Variants in CTNND2 observed in about 807,000 individuals in gnomAD.
CTNND2 encodes catenin delta 2.
CTNND2 carries 22 observed loss-of-function variants against 144.4 expected under a neutral mutation model. The ratio of observed to expected loss-of-function variants is 0.15; its 90% CI spans 0.11 to 0.22. CTNND2 has a LOEUF of 0.22. Ranked by LOEUF, CTNND2 falls within the 10% of genes least tolerant of loss-of-function variation. The probability of loss-of-function intolerance (pLI) is 1.00; values close to 1 mark genes in which losing one functional copy is unlikely to be tolerated. For missense variants in CTNND2, 1,353 were observed against 1,618.8 expected (o/e 0.84, Z 2.82); for synonymous variants, 751 against 695.6 (o/e 1.08, Z -1.25).
At chr5:11,695,531 C>A (rs966135450) in intron 2 of CTNND2, among the ~76,000 whole-genome samples, 1 of 152,172 alleles carries the variant, frequency 6.6e-6, no homozygotes, top group African/African-American at 2.4e-5. Context: ...ACAAGGTATT[C>A]AGAGATGTTT....
intron 1 of CTNND2, among the ~76,000 whole-genome samples, chr5:11,811,459 T>C (rs4466166): frequency 0.86 from 131,385 of 152,112 alleles, 58,960 homozygotes; most frequent in Non-Finnish European, 0.99. Context: ...AAATAAGGTG[T>C]ATGAACATAA....
At chr5:11,348,713 A>T (rs2149743752) in intron 8 of CTNND2, among the ~76,000 whole-genome samples, 1 of 152,076 alleles carries the variant, frequency 6.6e-6, no homozygotes, top group African/African-American at 2.4e-5. Context: ...TTGACTACCC[A>T]CACAAAAAAC....
intron 16 of CTNND2, among the ~76,000 whole-genome samples, chr5:11,081,796 G>T (rs554855756): frequency 5.9e-5 from 9 of 152,350 alleles, no homozygotes; most frequent in African/African-American, 2.2e-4. Flanking sequence ...TCCATAGACA[G>T]AGAGCAGATT....
At chr5:11,181,695 T>TGTGTGGTGTATGC (rs1460096798) in intron 11 of CTNND2, among the ~76,000 whole-genome samples, 1 of 150,706 alleles carries the variant, frequency 6.6e-6, no homozygotes, top group Non-Finnish European at 1.5e-5. Context: ...GTGTGGTGTG[T>TGTGTGGTGTATGC]GTGTGGTGTA....
At chr5:11,131,773 A>G (rs546888365) in intron 12 of CTNND2, among the ~76,000 whole-genome samples, 173 of 152,190 alleles carry the variant, frequency 1.1e-3, no homozygotes, top group Middle Eastern at 3.4e-3. Flanking sequence ...TGGGCGATAG[A>G]GCGAGACTGC....
At chr5:11,113,405 T>C (rs545576232) in intron 13 of CTNND2, among the ~76,000 whole-genome samples, 228 of 152,300 alleles carry the variant, frequency 1.5e-3, no homozygotes, top group East Asian at 3.3e-3. Flanking sequence ...GAATGGTCTG[T>C]AGCTGCTTTC....
At chr5:11,728,370 G>C (rs1787139769) in intron 2 of CTNND2, among the ~76,000 whole-genome samples, 1 of 152,078 alleles carries the variant, frequency 6.6e-6, no homozygotes, top group Non-Finnish European at 1.5e-5. Context: ...TCAGGAGGCT[G>C]GGGCAGGAGA....
At chr5:11,668,198 T>A (rs150114397) in intron 2 of CTNND2, among the ~76,000 whole-genome samples, 1,800 of 152,360 alleles carry the variant, frequency 0.012, 28 homozygotes, top group African/African-American at 0.042. Context: ...TCAGGTAGCA[T>A]GATGCCCTAG....
intron 3 of CTNND2, among the ~76,000 whole-genome samples, chr5:11,504,054 A>G (rs957754839): frequency 2.0e-5 from 3 of 152,244 alleles, no homozygotes; most frequent in Admixed American, 2.0e-4. Context: ...TACAAAACAT[A>G]GAGAGTGCTA....
intron 11 of CTNND2, among the ~76,000 whole-genome samples, chr5:11,188,180 T>C (rs530956027): frequency 3.3e-4 from 50 of 152,234 alleles, no homozygotes; most frequent in African/African-American, 1.1e-3. Context: ...CTAGTCACAA[T>C]AGCAAAGACA....
At chr5:11,457,812 A>T (rs1052442419) in intron 3 of CTNND2, among the ~76,000 whole-genome samples, 9 of 152,076 alleles carry the variant, frequency 5.9e-5, no homozygotes, top group African/African-American at 2.2e-4. Flanking sequence ...CCTGCCTCTA[A>T]CTCATTCCAT....
At chr5:11,764,594 T>A (rs1789472717) in intron 1 of CTNND2, among the ~76,000 whole-genome samples, 1 of 152,190 alleles carries the variant, frequency 6.6e-6, no homozygotes, top group Non-Finnish European at 1.5e-5. Flanking sequence ...GACATTTCCC[T>A]TTCTTTTATG....
chr5:11,427,182 A>T (rs1050086612), intron 3 of CTNND2, among the ~76,000 whole-genome samples: 1 of 152,170 alleles, frequency 6.6e-6, no homozygotes, highest in African/African-American at 2.4e-5. Context: ...GTATGTAAAA[A>T]ACAACACTAT....
chr5:11,175,138 T>A lies in CTNND2; in HGVS notation c.1976-15379A>T, dbSNP rs932857451. On this transcript the variant is annotated intron_variant, in intron 11 of 21. Coordinates refer to ENST00000304623, the MANE Select transcript of CTNND2 (RefSeq NM_001332.4). ...TAGATTGCTTCTATTTTTTTTTACATAGTAATTTCTCTGTATGGATATATA... is the reference window on the plus strand; with the variant it reads ...TAGATTGCTTCTATTTTTTTTTACAAAGTAATTTCTCTGTATGGATATATA... 3.3e-5 allele frequency among the ~76,000 whole-genome samples: 5 copies of A among 152,252 alleles called. No individual in the cohort carries two copies. The East Asian group carries it at 7.7e-4, about 23-fold the overall frequency.
intron 10 of CTNND2, among the ~76,000 whole-genome samples, chr5:11,212,881 C>T (rs964588240): frequency 5.9e-5 from 9 of 152,122 alleles, no homozygotes; most frequent in Admixed American, 5.9e-4. Flanking sequence ...CTGAAAACCA[C>T]ATAAATGAGG....
intron 2 of CTNND2, among the ~76,000 whole-genome samples, chr5:11,609,318 G>C (rs544841871): frequency 3.3e-4 from 51 of 152,268 alleles, no homozygotes; most frequent in Non-Finnish European, 2.5e-4. Context: ...CTAAATCTGA[G>C]AGTGTTTTAT....
chr5:10,973,601 T>G lies in CTNND2; in HGVS notation c.3530A>C (p.His1177Pro), dbSNP rs1579908552. The change falls in exon 22 of 22, where the codon CAC (histidine) becomes CCC (proline). Residue 1177 changes from histidine to proline, a missense_variant. His to Pro is a moderately conservative substitution (Grantham distance 77). Transcript: ENST00000304623. The surrounding 1 kb of genome is among the most constrained non-coding windows in gnomAD (Gnocchi z 5.6). Reference sequence around the variant, plus strand: ...GTACTCGCTGGCGGGAGGGCGATGGTGGACCTGGTCCTCGAAGAAGGACTC... The same window carrying G: ...GTACTCGCTGGCGGGAGGGCGATGGGGGACCTGGTCCTCGAAGAAGGACTC... ...YDESFFEDQV[H>P]HRPPASEYTM... 2.5e-6 allele frequency: 4 copies of G among 1,614,182 alleles called. No homozygotes were observed. The highest frequency in any genetic ancestry group is 3.4e-6 in the Non-Finnish European group (4 of 1,180,024).
chr5:11,249,067 T>G (rs1743300726), intron 9 of CTNND2, among the ~76,000 whole-genome samples: 1 of 152,246 alleles, frequency 6.6e-6, no homozygotes, highest in South Asian at 2.1e-4. Flanking sequence ...TACCAAACAC[T>G]GGTTCCTGCC....
At chr5:11,817,811 T>C (rs1793075267) in intron 1 of CTNND2, among the ~76,000 whole-genome samples, 1 of 151,984 alleles carries the variant, frequency 6.6e-6, no homozygotes, top group Admixed American at 6.5e-5. Context: ...AGCAGAAGCA[T>C]ATTTTTAACA....
Sources: gnomAD v4.1 joint callset for allele counts (sites outside exome capture counted in the v4.1 genomes callset) on GRCh38, gnomAD v4.1.1 for gene constraint, Gnocchi (gnomAD v3.1) non-coding constraint, MANE v1.5 for transcripts, NCBI Gene and HGNC (gene_info 2026-07-23, HGNC 2026-07-21) for gene names.